ANKFY1: variants seen among roughly 807,000 people sequenced by gnomAD.
ANKFY1 encodes ankyrin repeat and FYVE domain-containing protein 1.
Under a neutral mutation model 128.3 loss-of-function variants are expected in ANKFY1, and 47 were observed. That is an observed-to-expected ratio of 0.37 (90% CI 0.29 to 0.47). ANKFY1 has a LOEUF of 0.47. Ranked by LOEUF, ANKFY1 falls within the 20% of genes least tolerant of loss-of-function variation. The probability of loss-of-function intolerance (pLI) is 1.00; values close to 1 mark genes in which losing one functional copy is unlikely to be tolerated. For synonymous variants in ANKFY1, 553 were observed against 601.6 expected, an observed-to-expected ratio of 0.92 and a Z score of 1.18; for missense variants, 1,222 against 1,510.6, an observed-to-expected ratio of 0.81 and a Z score of 3.17.
At chr17:4,258,279 A>G (rs2143565410) in intron 1 of ANKFY1, among the ~76,000 whole-genome samples, 1 of 152,312 alleles carries the variant, frequency 6.6e-6, no homozygotes, top group East Asian at 1.9e-4. Flanking sequence ...TAATCCCAGC[A>G]CTTTGGGAGG....
Position 4,189,448 on chromosome 17 carries a change from T to C in ANKFY1, c.1404A>G (p.Ala468=), listed in dbSNP as rs762947300. ...GGAAAAGAGCTGCTGCCTCGTTTCC[T>C]GCTCCAGCTGCCCGCTGTAGTAAAC... is the stretch of plus-strand genomic sequence containing the variant. The part of the protein sequence containing the change: ...GNCLLQRAAG[A]GNEAAALFLA... The change falls in exon 11 of 25, where the codon GCA becomes GCG. Residue 468 remains alanine, a synonymous_variant. Transcript: ENST00000341657. The C allele has an allele frequency of 6.9e-6, 11 of 1,589,624 alleles. No homozygotes were observed. The highest frequency in any genetic ancestry group is 6.8e-5 in the South Asian group (6 of 87,996).
At chr17:4,214,883 T>G (rs1291065102) in intron 4 of ANKFY1, among the ~76,000 whole-genome samples, 1 of 152,270 alleles carries the variant, frequency 6.6e-6, no homozygotes, top group Non-Finnish European at 1.5e-5. Context: ...TACAAATGAC[T>G]TTTTTCTTTA....
rs1447544645 is a variant in ANKFY1 at position 4,172,592 on chromosome 17, AC to A, written c.3102del (p.Tyr1035IlefsTer19). 1.9e-6 allele frequency: 3 copies of A among 1,614,006 alleles called. No individual in the cohort carries two copies. The highest frequency in any genetic ancestry group is 2.5e-6 in the Non-Finnish European group (3 of 1,179,928). ...IFDLFLECMP[G>X]YPLDKPDADG... ...TCTGCATCCGGCTTGTCCAGAGGAT[AC>A]CCCGGCATGCATTCTAGGAAGAGAT... On this transcript the variant is annotated frameshift_variant, in exon 22 of 25. Transcript: ENST00000341657. LOFTEE classifies it high-confidence loss of function.
chr17:4,167,695 T>C lies in ANKFY1; in HGVS notation c.*84A>G. The C allele has an allele frequency of 7.2e-7, 1 of 1,396,232 alleles. No homozygotes were observed. Among genetic ancestry groups the C allele is most frequent in the East Asian group, 2.4e-5 (1 of 42,142 alleles). 86.5% of individuals were successfully genotyped at this position (1,396,232 alleles called of 1,614,324 possible). A position where few individuals can be genotyped will look rare whatever the true frequency, so the allele number is the denominator to read the frequency against. On this transcript the variant is annotated 3_prime_UTR_variant, in exon 25 of 25. Coordinates refer to ENST00000341657, the MANE Select transcript of ANKFY1 (RefSeq NM_001330063.2). The surrounding 1 kb of genome is among the most constrained non-coding windows in gnomAD (Gnocchi z 4.1). ...CCGCAGGAAGACACCCGCCAGCTCC[T>C]GCTCTGGGTGGGGTCAGGCTGGTGA...
intron 3 of ANKFY1, chr17:4,222,823 G>A (rs992872937): frequency 2.1e-6 from 2 of 973,490 alleles, no homozygotes; most frequent in Non-Finnish European, 3.4e-6. Flanking sequence ...AGTGCCAGCA[G>A]GAGTTCCCAA....
intron 3 of ANKFY1, chr17:4,222,861 A>T: frequency 2.1e-6 from 2 of 960,786 alleles, no homozygotes; most frequent in Non-Finnish European, 3.4e-6. Context: ...CACCCAGACG[A>T]CTCAGTATCC....
In ANKFY1 at chr17:4,169,345, C is replaced by G; in HGVS notation, c.3287-57G>C. 2.2e-6 allele frequency: 3 copies of G among 1,385,106 alleles called. No homozygotes were observed. The highest frequency in any genetic ancestry group is 3.0e-6 in the Non-Finnish European group (3 of 1,000,904). The allele number at this position is 1,385,106 out of a possible 1,614,324, so 85.8% of individuals were successfully genotyped here. ...AAACCGCGACGGCGCCACGCAAGCC[C>G]CAGGGCTTGGAGGCAGCAGGAACAC... On this transcript the variant is annotated intron_variant, in intron 23 of 24. Coordinates refer to ENST00000341657, the MANE Select transcript of ANKFY1 (RefSeq NM_001330063.2). The surrounding 1 kb of genome is among the most constrained non-coding windows in gnomAD (Gnocchi z 5.0).
intron 3 of ANKFY1, among the ~76,000 whole-genome samples, chr17:4,232,453 C>A (rs915206074): frequency 2.0e-5 from 3 of 152,182 alleles, no homozygotes; most frequent in Non-Finnish European, 2.9e-5. Context: ...TTCAAAGATA[C>A]ATTTCATTAA....
chr17:4,193,998 T>C (rs982994278), intron 10 of ANKFY1, among the ~76,000 whole-genome samples: 1 of 150,886 alleles, frequency 6.6e-6, no homozygotes, highest in African/African-American at 2.4e-5. Context: ...CCTCAGGTGA[T>C]CCACCGGCCT....
intron 1 of ANKFY1, among the ~76,000 whole-genome samples, chr17:4,246,407 C>T (rs1279045943): frequency 6.6e-6 from 1 of 152,120 alleles, no homozygotes; most frequent in Non-Finnish European, 1.5e-5. Context: ...ACGAGAAATA[C>T]AAATAATTAT....
intron 14 of ANKFY1, 37 bp downstream of exon 14, chr17:4,183,361 T>C (rs756713177): frequency 4.9e-5 from 79 of 1,598,616 alleles, no homozygotes; most frequent in Non-Finnish European, 6.6e-5. Flanking sequence ...AATTAATTGT[T>C]ACCTGGTGTT....
At chr17:4,223,982 T>C (rs2060374941) in intron 3 of ANKFY1, among the ~76,000 whole-genome samples, 2 of 152,138 alleles carry the variant, frequency 1.3e-5, no homozygotes, top group African/African-American at 2.4e-5. Flanking sequence ...GACTTAATAA[T>C]GTGGCATATT....
At position 4,263,925 on chromosome 17, in the gene ANKFY1, A is replaced by C. The variant is rs757791722; in HGVS notation, c.10+7T>G. On this transcript the variant is annotated splice_region_variant and intron_variant, in intron 1 of 24. Transcript: ENST00000341657. ...TCTTCCCGCGCGGCTCCACAAAAAA[A>C]CCCTACCTTCCGCCATGTCTGGCCC... 9.3e-6 allele frequency: 15 copies of C among 1,613,814 alleles called. No homozygotes were observed. Among genetic ancestry groups the C allele is most frequent in the East Asian group, 2.2e-5 (1 of 44,870 alleles).
At chr17:4,193,909 G>T (rs2059764730) in intron 10 of ANKFY1, among the ~76,000 whole-genome samples, 1 of 150,188 alleles carries the variant, frequency 6.7e-6, no homozygotes, top group Non-Finnish European at 1.5e-5. Context: ...ACAGTGCGTG[G>T]CCACCAGCCC....
rs777166963 is a variant in ANKFY1 at position 4,192,754 on chromosome 17, C to T, written c.1372+2224G>A. Among the ~76,000 whole-genome samples, 7 of 152,220 alleles carry T rather than the reference C, an allele frequency of 4.6e-5. No homozygotes were observed. The South Asian group carries it at 6.2e-4, about 14-fold the overall frequency. On this transcript the variant is annotated intron_variant, in intron 10 of 24. Coordinates refer to ENST00000341657, the MANE Select transcript of ANKFY1 (RefSeq NM_001330063.2). ...CAAAACATCACTAAACCGTTAAAAGCGAGTGGACGAATTGGCTGGTCCGGG... is the reference window on the plus strand; with the variant it reads ...CAAAACATCACTAAACCGTTAAAAGTGAGTGGACGAATTGGCTGGTCCGGG...
intron 10 of ANKFY1, among the ~76,000 whole-genome samples, chr17:4,192,446 G>T (rs3931099): frequency 0.3 from 42,673 of 140,430 alleles, 7,684 homozygotes; most frequent in Admixed American, 0.38. Context: ...CTTAGTTGAT[G>T]GTTGCTCTAA....
intron 7 of ANKFY1, among the ~76,000 whole-genome samples, 196 bp downstream of exon 7, chr17:4,206,125 T>C (rs577054089): frequency 1.3e-5 from 2 of 152,218 alleles, no homozygotes; most frequent in African/African-American, 4.8e-5. Flanking sequence ...GCACGGTGAA[T>C]GGCCAAACTA....
At chr17:4,263,893 C>T (rs1457232187) in intron 1 of ANKFY1, 39 bp downstream of exon 1, 1 of 1,613,572 alleles carries the variant, frequency 6.2e-7, no homozygotes, top group Non-Finnish European at 8.5e-7. Flanking sequence ...GCCCCCACAG[C>T]TCCGTGTCTT....
Position 4,235,860 on chromosome 17 carries a change from G to T in ANKFY1, c.234C>A (p.His78Gln). ...CCAGGACAAACTTGTGAGCACTGAT[G>T]TGCCTGTCCCCAACCTTTATCTTCA... ...SDLKIKVGDR[H>Q]ISAHKFVLAA... Residue 78 changes from histidine to glutamine, a missense_variant, in exon 3 of 25, where the codon CAC (histidine) becomes CAA (glutamine). Coordinates refer to ENST00000341657, the MANE Select transcript of ANKFY1 (RefSeq NM_001330063.2). 1 of 1,614,134 alleles carries T rather than the reference G, an allele frequency of 6.2e-7. No homozygotes were observed. The highest frequency in any genetic ancestry group is 1.1e-5 in the South Asian group (1 of 91,084).
Sources: gnomAD v4.1 joint callset for allele counts (sites outside exome capture counted in the v4.1 genomes callset) on GRCh38, gnomAD v4.1.1 for gene constraint, Gnocchi (gnomAD v3.1) non-coding constraint, MANE v1.5 for transcripts, NCBI Gene and HGNC (gene_info 2026-07-23, HGNC 2026-07-21) for gene names.